The following UBE2O variants were observed in gnomAD, a reference collection of about 807,000 sequenced individuals.
UBE2O encodes the protein (E3-independent) E2 ubiquitin-conjugating enzyme.
Under a neutral mutation model 125.8 loss-of-function variants are expected in UBE2O, and 15 were observed. The observed-to-expected ratio is 0.12, with a 90% CI of 0.08 to 0.18. The LOEUF is 0.18. Ranked by LOEUF, UBE2O falls within the 10% of genes least tolerant of loss-of-function variation. The pLI is 1.00. For missense variants in UBE2O, 1,280 were observed against 1,723.6 expected (o/e 0.74, Z 4.56); for synonymous variants, 708 against 703.2 (o/e 1.01, Z -0.11).
Position 76,404,058 on chromosome 17 carries a change from G to A in UBE2O, c.588+1148C>T, listed in dbSNP as rs192165570. Among the ~76,000 whole-genome samples the A allele has an allele frequency of 6.6e-6, 1 of 152,298 alleles. No homozygotes were observed. The highest frequency in any genetic ancestry group is 1.5e-5 in the Non-Finnish European group (1 of 68,024). On this transcript the variant is annotated intron_variant, in intron 3 of 17. Coordinates refer to ENST00000319380, the MANE Select transcript of UBE2O (RefSeq NM_022066.4). The surrounding 1 kb of genome is among the most constrained non-coding windows in gnomAD (Gnocchi z 4.3). ...ATAAAGCTCTTCTACAGAGCAGAAT[G>A]CCAGCTAAAAGAAATGAGGGGAACA... is the stretch of plus-strand genomic sequence containing the variant.
intron 1 of UBE2O, among the ~76,000 whole-genome samples, chr17:76,445,319 C>G (rs1036135570): frequency 2.0e-5 from 3 of 151,146 alleles, no homozygotes; most frequent in Non-Finnish European, 4.4e-5. Flanking sequence ...GTTATGCTAT[C>G]AATTTAAACC....
At chr17:76,430,905 C>T in intron 1 of UBE2O, 1 of 409,958 alleles carries the variant, frequency 2.4e-6, no homozygotes, top group South Asian at 1.9e-5. Flanking sequence ...GCTTTTCTTG[C>T]CATCCTAGCC....
chr17:76,440,204 T>C (rs189219809), intron 1 of UBE2O, among the ~76,000 whole-genome samples: 6 of 152,348 alleles, frequency 3.9e-5, no homozygotes, highest in Admixed American at 3.3e-4. Context: ...CCCAATCCAG[T>C]AGCCACTATG....
chr17:76,417,133 C>T (rs1372155406), intron 1 of UBE2O, among the ~76,000 whole-genome samples: 1 of 152,218 alleles, frequency 6.6e-6, no homozygotes, highest in Non-Finnish European at 1.5e-5. Flanking sequence ...CTTCCGGCTA[C>T]AGCTCCAGAG....
chr17:76,446,891 A>T (rs1252097824), intron 1 of UBE2O, among the ~76,000 whole-genome samples: 1 of 152,108 alleles, frequency 6.6e-6, no homozygotes, highest in African/African-American at 2.4e-5. Context: ...GTTCTCTAGA[A>T]ATGCAATGTG....
chr17:76,397,959 G>T, intron 12 of UBE2O, 71 bp from the exon 13 acceptor site: 1 of 1,516,910 alleles, frequency 6.6e-7, no homozygotes. Flanking sequence ...CCTGTGCTCT[G>T]CAGTGACTGA....
chr17:76,396,825 G>C lies in UBE2O; in HGVS notation c.2116-4C>G. On this transcript the variant is annotated splice_region_variant and splice_polypyrimidine_tract_variant and intron_variant, in intron 13 of 17. Transcript: ENST00000319380. This position sits in a 1 kb window ranked among gnomAD's most constrained non-coding sequence, Gnocchi z 6.7. ...CAGACTCTATGTTGTACAAGTGCTG[G>C]GGGCAGAAGGGAAGTGCCAGGGTAA... The C allele has an allele frequency of 1.3e-6, 2 of 1,571,400 alleles. No homozygotes were observed. The highest frequency in any genetic ancestry group is 1.2e-5 in the South Asian group (1 of 83,936).
At chr17:76,424,869 T>A (rs576368247) in intron 1 of UBE2O, among the ~76,000 whole-genome samples, 301 of 151,108 alleles carry the variant, frequency 2.0e-3, no homozygotes, top group Middle Eastern at 3.4e-3. Flanking sequence ...TTTTATTTTT[T>A]ATTTTTTTTT....
chr17:76,434,245 A>G (rs2072948935), intron 1 of UBE2O, among the ~76,000 whole-genome samples: 1 of 152,186 alleles, frequency 6.6e-6, no homozygotes, highest in African/African-American at 2.4e-5. Flanking sequence ...CCCAGCACAC[A>G]GTCCTATCTC....
At position 76,436,149 on chromosome 17, in the gene UBE2O, A is replaced by G. The variant is rs142710644; in HGVS notation, c.417+16576T>C. ...GTAATCCCAGCTACTCAGGAGGCTG[A>G]GGCAGGAGAATTGCTTGAACCCGGG... is the stretch of plus-strand genomic sequence containing the variant. On this transcript the variant is annotated intron_variant, in intron 1 of 17. Coordinates refer to ENST00000319380, the MANE Select transcript of UBE2O (RefSeq NM_022066.4). Among the ~76,000 whole-genome samples the G allele has an allele frequency of 3.9e-3, 600 of 152,320 alleles. 5 individuals are homozygous for G. The highest frequency in any genetic ancestry group is 0.037 in the South Asian group (177 of 4,824).
rs1446321248 is a variant in UBE2O, at chr17:76,452,860, C to A, written c.282G>T (p.Glu94Asp). ...CGGAGCACCCCGAGCTCCCGCGGCCCTCCTCCTCGCCCTCCGAGTCCGAGT... is the reference window on the plus strand; with the variant it reads ...CGGAGCACCCCGAGCTCCCGCGGCCATCCTCCTCGCCCTCCGAGTCCGAGT... ...GEDSDSEGEE[E>D]GRGSSGCSEA... Residue 94 changes from glutamate to aspartate, a missense_variant, in exon 1 of 18, where the codon GAG becomes GAT. Glu to Asp is a conservative substitution (Grantham distance 45). Transcript: ENST00000319380. The surrounding 1 kb of genome is among the most constrained non-coding windows in gnomAD (Gnocchi z 4.4). 6.6e-7 allele frequency: 1 copy of A among 1,504,234 alleles called. No homozygotes were observed. 93.2% of individuals were successfully genotyped at this position (1,504,234 alleles called of 1,614,324 possible). A position where few individuals can be genotyped will look rare whatever the true frequency, so the allele number is the denominator to read the frequency against.
intron 1 of UBE2O, among the ~76,000 whole-genome samples, chr17:76,406,805 TTCTCCCGTCTCAGCC>T (rs2072431071): frequency 1.4e-5 from 2 of 141,914 alleles, no homozygotes; most frequent in South Asian, 4.8e-4. Flanking sequence ...GTTCAAGCAA[TTCTCCCGTCTCAGCC>T]TCCCGAGTAG....
rs2072213647 is a variant in UBE2O, at chr17:76,396,608, T to G, written c.2329A>C (p.Ser777Arg). The stretch of plus-strand genomic sequence containing the variant: ...ACGGCAGCTGTGGCTGCCTCTTCAC[T>G]GATCACCACTCCCTTGTCCTCAGGG... ...VAPEDKGVVI[S>R]EEAATAAVQG... Residue 777 changes from serine (S) to arginine (R), a missense_variant, in exon 14 of 18, where the codon AGT becomes CGT. Ser to Arg is a moderately radical substitution (Grantham distance 110). This residue lies in a region of UBE2O where 210 missense variants were observed against 268.9 expected (regional missense o/e 0.78). Transcript: ENST00000319380. This position sits in a 1 kb window ranked among gnomAD's most constrained non-coding sequence, Gnocchi z 6.7. 6.2e-7 allele frequency: 1 copy of G among 1,610,632 alleles called. No homozygotes were observed. The highest frequency in any genetic ancestry group is 1.1e-5 in the South Asian group (1 of 90,800).
chr17:76,406,257 G>A (rs1391205969), intron 1 of UBE2O, among the ~76,000 whole-genome samples: 2 of 152,172 alleles, frequency 1.3e-5, no homozygotes, highest in Admixed American at 6.5e-5. Flanking sequence ...CTGCTCCATC[G>A]CCCAAAAGCC....
intron 1 of UBE2O, among the ~76,000 whole-genome samples, chr17:76,418,790 TG>T (rs889237501): frequency 1.1e-4 from 16 of 152,078 alleles, no homozygotes; most frequent in African/African-American, 3.9e-4. Context: ...AGGATGGTCT[TG>T]ATCTCCTGAC....
chr17:76,439,629 TA>T (rs1176069436), intron 1 of UBE2O, among the ~76,000 whole-genome samples: 5 of 152,202 alleles, frequency 3.3e-5, no homozygotes, highest in Admixed American at 6.5e-5. Flanking sequence ...CTCACAAAGC[TA>T]AAAAATTATT....
chr17:76,396,845 G>C lies in UBE2O; in HGVS notation c.2116-24C>G. On this transcript the variant is annotated intron_variant, in intron 13 of 17. Transcript: ENST00000319380. This position sits in a 1 kb window ranked among gnomAD's most constrained non-coding sequence, Gnocchi z 6.7. Reference sequence around the variant, plus strand: ...TGCTGGGGGCAGAAGGGAAGTGCCAGGGTAAGCAGACAGGAAGTCACCTCC... The same window carrying C: ...TGCTGGGGGCAGAAGGGAAGTGCCACGGTAAGCAGACAGGAAGTCACCTCC... 1 of 1,552,106 alleles carries C rather than the reference G, an allele frequency of 6.4e-7. No individual in the cohort carries two copies. The highest frequency in any genetic ancestry group is 8.7e-7 in the Non-Finnish European group (1 of 1,147,334).
Position 76,395,968 on chromosome 17 carries a change from T to C in UBE2O, c.2810-107A>G, listed in dbSNP as rs1208208930. 6.4e-7 allele frequency: 1 copy of C among 1,550,822 alleles called. No individual in the cohort carries two copies. The highest frequency in any genetic ancestry group is 1.1e-5 in the South Asian group (1 of 88,500). Reference sequence around the variant, plus strand: ...CACCCACAGACTTCCCACTCGCCGCTGCTGGCCTCAGCACTGTGACCACAC... The same window carrying C: ...CACCCACAGACTTCCCACTCGCCGCCGCTGGCCTCAGCACTGTGACCACAC... On this transcript the variant is annotated intron_variant, in intron 14 of 17. Transcript: ENST00000319380. The surrounding 1 kb of genome is among the most constrained non-coding windows in gnomAD (Gnocchi z 5.0).
At position 76,395,680 on chromosome 17, in the gene UBE2O, T is replaced by C. The variant is rs757324570; in HGVS notation, c.2946+45A>G. 8.9e-6 allele frequency: 14 copies of C among 1,578,638 alleles called. No homozygotes were observed. The highest frequency in any genetic ancestry group is 1.1e-5 in the Non-Finnish European group (13 of 1,163,526). On this transcript the variant is annotated intron_variant, in intron 15 of 17. Transcript: ENST00000319380. The surrounding 1 kb of genome is among the most constrained non-coding windows in gnomAD (Gnocchi z 5.0). Reference sequence around the variant, plus strand: ...GGTTGGTGGCCTCTTGGGCACTGGGTGCCCACACAGCACATCTGCACCTGC... The same window carrying C: ...GGTTGGTGGCCTCTTGGGCACTGGGCGCCCACACAGCACATCTGCACCTGC...
Sources: allele counts gnomAD v4.1 joint callset (sites outside exome capture counted in the v4.1 genomes callset), GRCh38; gene constraint gnomAD v4.1.1; regional missense constraint gnomAD v4.1.1; non-coding constraint Gnocchi (gnomAD v3.1); transcripts MANE v1.5; gene names NCBI Gene and HGNC (gene_info 2026-07-23, HGNC 2026-07-21).